ARHGAP4: variants seen among roughly 807,000 people sequenced by gnomAD.
ARHGAP4 encodes Rho GTPase activating protein 4, also known as rho GTPase-activating protein 4.
A neutral mutation model predicts 67.6 loss-of-function variants in ARHGAP4; 25 were observed. The ratio of observed to expected loss-of-function variants is 0.37; its 90% CI spans 0.27 to 0.52. The LOEUF (loss-of-function observed/expected upper bound fraction) is 0.52. ARHGAP4 is among the 20% of genes least tolerant of loss of function. The pLI, the probability that ARHGAP4 is intolerant of heterozygous loss-of-function variation, is 0.92. For missense variants in ARHGAP4, 804 were observed against 854.6 expected (o/e 0.94, Z 0.74); for synonymous variants, 448 against 373.7 (o/e 1.20, Z -2.29).
intron 17 of ARHGAP4, 35 bp downstream of exon 17, chrX:153,910,136 A>AC (rs1569545808): frequency 2.5e-6 from 3 of 1,207,210 alleles, no homozygotes; most frequent in South Asian, 1.8e-5. Flanking sequence ...TCTCCAGTGG[A>AC]CCCCCCAGTC....
At chrX:153,923,745 G>A (rs2065110116) in intron 1 of ARHGAP4, among the ~76,000 whole-genome samples, 1 of 112,833 alleles carries the variant, frequency 8.9e-6, no homozygotes, top group Non-Finnish European at 1.9e-5. Context: ...AATGCCATTT[G>A]AAATCAGGAG....
intron 3 of ARHGAP4, 88 bp from the exon 4 acceptor site, chrX:153,921,247 G>C (rs1000581776): frequency 3.4e-6 from 4 of 1,178,142 alleles, no homozygotes; most frequent in Non-Finnish European, 4.6e-6. Context: ...GCCCCATCGG[G>C]GGGGCACACA....
rs375088032 is a variant in ARHGAP4, at chrX:153,918,610, C to T, written c.1032+222G>A. On this transcript the variant is annotated intron_variant, in intron 7 of 21. Transcript: ENST00000350060. ...GTATGGGCAGCTACACGGCTGCCTG[C>T]TGCACGGTTTGAACAGTTAGTGTCT... Among the ~76,000 whole-genome samples, 4 of 113,029 alleles carry T rather than the reference C, an allele frequency of 3.5e-5. 1 individual carries two copies. Among genetic ancestry groups the T allele is most frequent in the East Asian group, 2.8e-4 (1 of 3,618 alleles).
At chrX:153,913,984 G>A (rs1480823809) in intron 7 of ARHGAP4, 105 bp from the exon 8 acceptor site, 20 of 691,831 alleles carry the variant, frequency 2.9e-5, no homozygotes, top group African/African-American at 6.4e-5. Context: ...CCTGGCGGCC[G>A]GGCACAGGAC....
intron 7 of ARHGAP4, among the ~76,000 whole-genome samples, chrX:153,916,725 A>AT (rs2065057837): frequency 8.8e-6 from 1 of 113,296 alleles, no homozygotes; most frequent in Non-Finnish European, 1.9e-5. Context: ...TATAGCAGGG[A>AT]TTTTGGACTC....
chrX:153,914,786 G>A (rs1178199776), intron 7 of ARHGAP4, among the ~76,000 whole-genome samples: 2 of 112,222 alleles, frequency 1.8e-5, no homozygotes, highest in Non-Finnish European at 3.8e-5. Context: ...CCAGGGAAAG[G>A]AGTGGACGGA....
At position 153,910,192 on chromosome X, in the gene ARHGAP4, G is replaced by A. The variant is rs781896966; in HGVS notation, c.2135C>T (p.Pro712Leu). Reference sequence around the variant, plus strand: ...GTACCCCAGGCAGCTGGCGGAAGGCGGTGCCATGCACTTCTCGTAGACGGG... The same window carrying A: ...GTACCCCAGGCAGCTGGCGGAAGGCAGTGCCATGCACTTCTCGTAGACGGG... ...PGPVYEKCMAPPSASCLGDAQ... is the reference protein window; with the variant it reads ...PGPVYEKCMALPSASCLGDAQ... Residue 712 changes from proline (P) to leucine (L), a missense_variant, in exon 17 of 22, where the codon CCG (proline) becomes CTG (leucine). Coordinates refer to ENST00000350060, the MANE Select transcript of ARHGAP4 (RefSeq NM_001666.5). 4.4e-5 allele frequency: 53 copies of A among 1,209,839 alleles called. No individual in the cohort carries two copies. Among genetic ancestry groups the A allele is most frequent in the Non-Finnish European group, 1.0e-5 (9 of 895,169 alleles).
At chrX:153,908,986 C>G in intron 21 of ARHGAP4, 84 bp downstream of exon 21, 1 of 1,023,429 alleles carries the variant, frequency 9.8e-7, no homozygotes, top group South Asian at 1.9e-5. Flanking sequence ...ACTGGAACCT[C>G]GAGGAGGGAG....
At position 153,907,688 on chromosome X, in the gene ARHGAP4, G is replaced by A. The variant is rs2148516103; in HGVS notation, c.*41C>T. 1.3e-6 allele frequency: 1 copy of A among 760,358 alleles called. No homozygotes were observed. The highest frequency in any genetic ancestry group is 3.8e-5 in the East Asian group (1 of 26,231). 62.7% of individuals were successfully genotyped at this position (760,358 alleles called of 1,213,427 possible). A position where few individuals can be genotyped will look rare whatever the true frequency, so the allele number is the denominator to read the frequency against. ...GGGGCTGGGGAGAGTGGCCGGTCCA[G>A]CGGGTAGCCGCCGGGGGCACGCATC... On this transcript the variant is annotated 3_prime_UTR_variant, in exon 22 of 22. Transcript: ENST00000350060.
At chrX:153,914,250 G>A in intron 7 of ARHGAP4, 1 of 229,596 alleles carries the variant, frequency 4.4e-6, no homozygotes, top group Non-Finnish European at 7.9e-6. Context: ...GTGCCAGTGG[G>A]GCTGGAGAGG....
In ARHGAP4 at chrX:153,909,306, C is replaced by A. The variant is rs1603283648; in HGVS notation, c.2507+137G>T. ...TCCCCAAGCTCCTCTAGAGCCTCTCCCTGTCACAAGCTGGGTCATTCTGTC... is the reference window on the plus strand; with the variant it reads ...TCCCCAAGCTCCTCTAGAGCCTCTCACTGTCACAAGCTGGGTCATTCTGTC... On this transcript the variant is annotated intron_variant, in intron 20 of 21. Coordinates refer to ENST00000350060, the MANE Select transcript of ARHGAP4 (RefSeq NM_001666.5). The A allele has an allele frequency of 4.6e-6, 4 of 872,512 alleles. No homozygotes were observed. In the East Asian group the frequency reaches 1.4e-4, roughly 30 times the overall value. 71.9% of individuals were successfully genotyped at this position (872,512 alleles called of 1,213,427 possible). A position where few individuals can be genotyped will look rare whatever the true frequency, so the allele number is the denominator to read the frequency against.
intron 1 of ARHGAP4, chrX:153,922,483 C>T: frequency 1.4e-6 from 1 of 715,969 alleles, no homozygotes; most frequent in Non-Finnish European, 1.6e-6. Context: ...CTGTGCATTC[C>T]CCCACCCTGC....
At chrX:153,922,353 C>T in intron 1 of ARHGAP4, 1 of 758,064 alleles carries the variant, frequency 1.3e-6, no homozygotes, top group Non-Finnish European at 1.6e-6. Flanking sequence ...AAAGGACAGT[C>T]CACAGTGAGG....
Position 153,920,618 on chromosome X carries a change from A to G in ARHGAP4, c.681+8T>C, listed in dbSNP as rs374666305. ...TAGGCCTGCGTCTGAGGTGCCCTCC[A>G]GGCCCACCTTCTCCACCAGCCTCCC... On this transcript the variant is annotated splice_region_variant and intron_variant, in intron 5 of 21. Coordinates refer to ENST00000350060, the MANE Select transcript of ARHGAP4 (RefSeq NM_001666.5). The G allele has an allele frequency of 2.5e-6, 3 of 1,193,815 alleles. No homozygotes were observed. The highest frequency in any genetic ancestry group is 3.4e-6 in the Non-Finnish European group (3 of 886,975).
Position 153,910,292 on chromosome X carries a change from G to C in ARHGAP4, c.2035C>G (p.Arg679Gly), listed in dbSNP as rs782700196. The C allele has an allele frequency of 8.3e-7, 1 of 1,208,448 alleles. No homozygotes were observed. Among genetic ancestry groups the C allele is most frequent in the African/African-American group, 1.7e-5 (1 of 57,377 alleles). ...AGCGTCTGCACCAGCTGGTTCACCC[G>C]GCCCTGCAGCGCCACCGGGTCCTGC... Reference protein sequence around the residue: ...AGQDPVALQGRVNQLVQTLIV... With the variant: ...AGQDPVALQGGVNQLVQTLIV... Residue 679 changes from arginine to glycine, a missense_variant, in exon 17 of 22, where the codon CGG becomes GGG. Physicochemically the swap from Arg to Gly is moderately radical, Grantham distance 125. Transcript: ENST00000350060.
In ARHGAP4 at chrX:153,910,975, C is replaced by A. The variant is rs782624884; in HGVS notation, c.1628G>T (p.Arg543Leu). The A allele has an allele frequency of 8.6e-7, 1 of 1,168,620 alleles. No individual in the cohort carries two copies. Among genetic ancestry groups the A allele is most frequent in the East Asian group, 3.2e-5 (1 of 31,007 alleles). ...LNGLQHEGIF[R>L]VSGAQLRVSE... ...GACCCGGAGCTGGGCACCCGATACC[C>A]GGAAGATGCCTTCATGCTGCAGGCC... Residue 543 changes from arginine to leucine, a missense_variant, in exon 14 of 22, where the codon CGG becomes CTG. Transcript: ENST00000350060.
Position 153,918,873 on chromosome X carries a change from G to T in ARHGAP4, c.991C>A (p.Pro331Thr). The change falls in exon 7 of 22, where the codon CCC (proline) becomes ACC (threonine). Residue 331 changes from proline (P) to threonine (T), a missense_variant. Coordinates refer to ENST00000350060, the MANE Select transcript of ARHGAP4 (RefSeq NM_001666.5). ...GGGTGGTAGTCAAAGCGCAGCGGGG[G>T]ACAGAAGACGGTAGCATGCACCTCG... ...VLEVHATVFC[P>T]PLRFDYHPHD... 1 of 1,212,218 alleles carries T rather than the reference G, an allele frequency of 8.2e-7. No individual in the cohort carries two copies. The highest frequency in any genetic ancestry group is 1.1e-6 in the Non-Finnish European group (1 of 895,598).
At chrX:153,924,522 T>C (rs781832286) in intron 1 of ARHGAP4, among the ~76,000 whole-genome samples, 1 of 111,861 alleles carries the variant, frequency 8.9e-6, no homozygotes, top group South Asian at 3.7e-4. Flanking sequence ...GTGCTTATTA[T>C]CATAATGCAA....
At chrX:153,912,665 T>C (rs1557103528) in intron 12 of ARHGAP4, 35 bp downstream of exon 12, 2 of 1,126,749 alleles carry the variant, frequency 1.8e-6, no homozygotes, top group South Asian at 1.9e-5. Context: ...GATCAGCATG[T>C]ACAGGTGGGC....
Sources: allele counts gnomAD v4.1 joint callset (sites outside exome capture counted in the v4.1 genomes callset), GRCh38; gene constraint gnomAD v4.1.1; transcripts MANE v1.5; gene names NCBI Gene and HGNC (gene_info 2026-07-23, HGNC 2026-07-21).